The following USP31 variants were observed in gnomAD, a reference collection of about 807,000 sequenced individuals.
The protein encoded by USP31 is ubiquitin carboxyl-terminal hydrolase 31.
A neutral mutation model predicts 119.4 loss-of-function variants in USP31; 44 were observed. That is an observed-to-expected ratio of 0.37 (90% CI 0.29 to 0.47). The LOEUF is 0.47. USP31 is among the 20% of genes least tolerant of loss of function. The pLI is 0.99. For missense variants in USP31, 1,643 were observed against 1,730.2 expected (o/e 0.95, Z 0.89); for synonymous variants, 749 against 705.6 (o/e 1.06, Z -0.97).
rs1424247784 is a variant in USP31 at position 23,064,880 on chromosome 16, T to TA, written c.*3165dup. ...CGTGTCAGGCAGCCTCACAGATAAT[T>TA]ACAGTATTTTAGCACACCACAAATA... On this transcript the variant is annotated 3_prime_UTR_variant, in exon 16 of 16. Transcript: ENST00000219689. The TA allele has an allele frequency of 6.6e-6, 1 of 152,188 alleles. No homozygotes were observed. Among genetic ancestry groups the TA allele is most frequent in the Non-Finnish European group, 1.5e-5 (1 of 68,044 alleles). 9.4% of individuals were successfully genotyped at this position (152,188 alleles called of 1,614,324 possible).
At chr16:23,113,930 C>T (rs908004835) in intron 1 of USP31, among the ~76,000 whole-genome samples, 1 of 152,086 alleles carries the variant, frequency 6.6e-6, no homozygotes, top group African/African-American at 2.4e-5. Flanking sequence ...CATGGTGAAA[C>T]CCCATCTCTA....
chr16:23,092,508 A>T (rs1901410015), intron 6 of USP31, among the ~76,000 whole-genome samples: 2 of 152,198 alleles, frequency 1.3e-5, no homozygotes, highest in Admixed American at 1.3e-4. Flanking sequence ...GGTGTGAGAG[A>T]TTAACAGAAG....
At chr16:23,076,396 T>C (rs1201341111) in intron 13 of USP31, among the ~76,000 whole-genome samples, 1 of 151,996 alleles carries the variant, frequency 6.6e-6, no homozygotes, top group African/African-American at 2.4e-5. Flanking sequence ...TCTCATATAC[T>C]AGAAAAGTGG....
In USP31 at chr16:23,087,819, C is replaced by A; in HGVS notation, c.1432G>T (p.Val478Leu). 1.9e-6 allele frequency: 3 copies of A among 1,613,766 alleles called. No homozygotes were observed. The highest frequency in any genetic ancestry group is 2.5e-6 in the Non-Finnish European group (3 of 1,180,008). Residue 478 changes from valine to leucine, a missense_variant, in exon 8 of 16, where the codon GTG becomes TTG. Coordinates refer to ENST00000219689, the MANE Select transcript of USP31 (RefSeq NM_020718.4). ...GCTATTGTCTTCTCTAAGTGCAGCA[C>A]AAAAGGCAGTCCAAATCTAACACAC... is the stretch of plus-strand genomic sequence containing the variant. The part of the protein sequence containing the change: ...QQGKRFGLPF[V>L]LHLEKTIAWD...
At chr16:23,093,499 C>T (rs1292136384) in intron 6 of USP31, among the ~76,000 whole-genome samples, 1 of 152,182 alleles carries the variant, frequency 6.6e-6, no homozygotes, top group Non-Finnish European at 1.5e-5. Flanking sequence ...TTCACATTCA[C>T]CAGGATGGCT....
intron 1 of USP31, among the ~76,000 whole-genome samples, chr16:23,125,854 C>G (rs1032398825): frequency 6.6e-6 from 1 of 152,216 alleles, no homozygotes. Context: ...AGAGCCATAA[C>G]CTTCAAATAA....
intron 6 of USP31, among the ~76,000 whole-genome samples, chr16:23,091,356 G>T (rs904370587): frequency 6.6e-6 from 1 of 152,148 alleles, no homozygotes; most frequent in East Asian, 1.9e-4. Flanking sequence ...ATATTTGACA[G>T]GCACAGTACT....
At chr16:23,128,986 G>A (rs959970326) in intron 1 of USP31, among the ~76,000 whole-genome samples, 1 of 152,180 alleles carries the variant, frequency 6.6e-6, no homozygotes, top group African/African-American at 2.4e-5. Flanking sequence ...GCATTTAGAA[G>A]TATTTACAAA....
At chr16:23,146,867 ATGAAT>A (rs1459684319) in intron 1 of USP31, among the ~76,000 whole-genome samples, 1 of 152,042 alleles carries the variant, frequency 6.6e-6, no homozygotes, top group East Asian at 1.9e-4. Flanking sequence ...ACCTTTTGCC[ATGAAT>A]TGAAGACAAA....
At chr16:23,129,628 G>C (rs1357316403) in intron 1 of USP31, among the ~76,000 whole-genome samples, 1 of 152,122 alleles carries the variant, frequency 6.6e-6, no homozygotes, top group East Asian at 1.9e-4. Context: ...TCATCGTACT[G>C]CTCTCCCCTC....
At position 23,080,042 on chromosome 16, in the gene USP31, G is replaced by A. The variant is rs200654717; in HGVS notation, c.2080C>T (p.Arg694Trp). The change falls in exon 13 of 16, where the codon CGG becomes TGG. Residue 694 changes from arginine (R) to tryptophan (W), a missense_variant. Around this residue, in one of 5 missense-constraint regions of USP31, gnomAD observed 279 missense variants for 372.2 expected, o/e 0.75. Coordinates refer to ENST00000219689, the MANE Select transcript of USP31 (RefSeq NM_020718.4). ...SLPSHWSPWR[R>W]PYGLGRDPED... ...GGGTCCCTCCCGAGTCCATAGGGCC[G>A]TCTCCACGGGGACCAATGCGATGGC... 1.1e-5 allele frequency: 18 copies of A among 1,613,934 alleles called. No homozygotes were observed. Among genetic ancestry groups the A allele is most frequent in the African/African-American group, 4.0e-5 (3 of 74,862 alleles).
chr16:23,098,048 T>C lies in USP31; in HGVS notation c.1234+4271A>G, dbSNP rs372710023. ...AAGTCAAATTGTCCCTGTTTGCAGA[T>C]GACATGATTGTATATCTAGAAAACC... On this transcript the variant is annotated intron_variant, in intron 6 of 15. Coordinates refer to ENST00000219689, the MANE Select transcript of USP31 (RefSeq NM_020718.4). Among the ~76,000 whole-genome samples the C allele has an allele frequency of 1.8e-3, 280 of 152,334 alleles. 2 individuals carry two copies. The highest frequency in any genetic ancestry group is 3.4e-3 in the Middle Eastern group (1 of 294).
rs773744290 is a variant in USP31 at position 23,084,996 on chromosome 16, T to C, written c.1701-7A>G. ...CTCAGTATTTACAAATAAGCTGCAA[T>C]TAGGGGGAAAAGCATCTATCAGGGA... On this transcript the variant is annotated splice_region_variant and splice_polypyrimidine_tract_variant and intron_variant, in intron 10 of 15. Coordinates refer to ENST00000219689, the MANE Select transcript of USP31 (RefSeq NM_020718.4). 8 of 1,613,360 alleles carry C rather than the reference T, an allele frequency of 5.0e-6. No homozygotes were observed. The highest frequency in any genetic ancestry group is 1.7e-5 in the Admixed American group (1 of 59,960).
At chr16:23,138,711 G>A (rs1903264687) in intron 1 of USP31, among the ~76,000 whole-genome samples, 1 of 152,026 alleles carries the variant, frequency 6.6e-6, no homozygotes, top group East Asian at 1.9e-4. Context: ...TGTTGTTTGA[G>A]GTTCCAAACC....
intron 11 of USP31, among the ~76,000 whole-genome samples, chr16:23,084,257 AG>A (rs972928622): frequency 4.6e-5 from 7 of 152,144 alleles, no homozygotes; most frequent in African/African-American, 1.7e-4. Context: ...CCACCCAAAG[AG>A]GCTTATTTAT....
rs374385818 is a variant in USP31, at chr16:23,111,801, G to C, written c.634-3618C>G. On this transcript the variant is annotated intron_variant, in intron 1 of 15. Coordinates refer to ENST00000219689, the MANE Select transcript of USP31 (RefSeq NM_020718.4). ...ATGGTGTCCAAGAGTCAAATGAAGA[G>C]AGCTTCATGAAGAAAAGGGTGATCA... Among the ~76,000 whole-genome samples the C allele has an allele frequency of 1.7e-4, 26 of 152,252 alleles. No homozygotes were observed. In the East Asian group the frequency reaches 4.6e-3, roughly 27 times the overall value.
In USP31 at chr16:23,136,527, G is replaced by A. The variant is rs541174686; in HGVS notation, c.633+12111C>T. On this transcript the variant is annotated intron_variant, in intron 1 of 15. Coordinates refer to ENST00000219689, the MANE Select transcript of USP31 (RefSeq NM_020718.4). Reference sequence around the variant, plus strand: ...AAATTAGTTGGGCGTGGTGGTGGGCGCCTGTAATCCCAGTTAACCAGGAGG... The same window carrying A: ...AAATTAGTTGGGCGTGGTGGTGGGCACCTGTAATCCCAGTTAACCAGGAGG... Among the ~76,000 whole-genome samples, 30 of 152,186 alleles carry A rather than the reference G, an allele frequency of 2.0e-4. 1 individual carries two copies. The Middle Eastern group carries it at 0.01, about 52-fold the overall frequency.
At chr16:23,079,822 C>T (rs1431194080) in intron 13 of USP31, 124 bp downstream of exon 13, 14 of 842,586 alleles carry the variant, frequency 1.7e-5, no homozygotes, top group Non-Finnish European at 2.5e-5. Context: ...ATGGAAACTG[C>T]CCTCACAGTT....
At chr16:23,135,295 C>T (rs1903155893) in intron 1 of USP31, among the ~76,000 whole-genome samples, 1 of 152,074 alleles carries the variant, frequency 6.6e-6, no homozygotes, top group African/African-American at 2.4e-5. Context: ...ACAAGGATGC[C>T]TACTTTTACC....
Sources: gnomAD v4.1 joint callset for allele counts (sites outside exome capture counted in the v4.1 genomes callset) on GRCh38, gnomAD v4.1.1 for gene constraint, gnomAD v4.1.1 regional missense constraint, MANE v1.5 for transcripts, NCBI Gene and HGNC (gene_info 2026-07-23, HGNC 2026-07-21) for gene names.